GLIS3: variants seen among roughly 807,000 people sequenced by gnomAD.
GLIS3 encodes zinc finger protein GLIS3.
In GLIS3, 53 loss-of-function variants were observed where a neutral mutation model predicts 78.6. That is an observed-to-expected ratio of 0.67 (90% CI 0.54 to 0.85). The LOEUF (loss-of-function observed/expected upper bound fraction) is 0.85, where lower values mean the gene tolerates loss of function less well. GLIS3 is among the 40% of genes least tolerant of loss of function. The pLI is 0.00. For missense variants in GLIS3, 1,703 were observed against 1,231.1 expected, an observed-to-expected ratio of 1.38 and a Z score of -5.74; for synonymous variants, 684 against 509.9, an observed-to-expected ratio of 1.34 and a Z score of -4.60.
chr9:4,405,027 G>A, the GLIS3 span, among the ~76,000 whole-genome samples: 3 of 152,164 alleles, frequency 2.0e-5, no homozygotes, highest in Non-Finnish European at 4.4e-5. Flanking sequence ...AATCAGAGAT[G>A]AAAAAGGAGA....
intron 4 of GLIS3, among the ~76,000 whole-genome samples, chr9:4,109,751 C>A (rs2095932909): frequency 6.6e-6 from 1 of 152,222 alleles, no homozygotes; most frequent in Non-Finnish European, 1.5e-5. Flanking sequence ...TCCAGCCTCA[C>A]TTCCACTCCT....
At chr9:4,247,064 C>A (rs868789642) in intron 2 of GLIS3, among the ~76,000 whole-genome samples, 2 of 152,158 alleles carry the variant, frequency 1.3e-5, no homozygotes, top group East Asian at 1.9e-4. Context: ...GTTTTAAAAT[C>A]CATGGATGGC....
chr9:3,858,761 C>G (rs1050965137), intron 8 of GLIS3, among the ~76,000 whole-genome samples: 2 of 151,888 alleles, frequency 1.3e-5, no homozygotes, highest in East Asian at 1.9e-4. Context: ...TAAAATATGA[C>G]AAGAAGTGAT....
intron 4 of GLIS3, among the ~76,000 whole-genome samples, chr9:4,076,004 T>C (rs1027981617): frequency 3.9e-5 from 6 of 152,220 alleles, no homozygotes; most frequent in Non-Finnish European, 8.8e-5. Flanking sequence ...AAAAAATTAG[T>C]ACTTTGTGAG....
intron 4 of GLIS3, among the ~76,000 whole-genome samples, chr9:4,079,128 T>C (rs944292974): frequency 1.3e-5 from 2 of 152,224 alleles, no homozygotes; most frequent in South Asian, 4.1e-4. Flanking sequence ...GCTTGTATCA[T>C]CATTACCTTC....
chr9:4,222,603 T>C (rs1026241787), intron 2 of GLIS3, among the ~76,000 whole-genome samples: 1 of 152,202 alleles, frequency 6.6e-6, no homozygotes, highest in African/African-American at 2.4e-5. Flanking sequence ...CATTATCTAA[T>C]GTCAAGTGCG....
intron 7 of GLIS3, among the ~76,000 whole-genome samples, chr9:3,883,615 G>T (rs544855493): frequency 1.3e-5 from 2 of 152,300 alleles, no homozygotes; most frequent in Admixed American, 6.5e-5. Context: ...ATCCCTCCAG[G>T]ATACAGGGCA....
At chr9:4,064,680 G>A (rs1169387944) in intron 4 of GLIS3, among the ~76,000 whole-genome samples, 1 of 152,158 alleles carries the variant, frequency 6.6e-6, no homozygotes, top group African/African-American at 2.4e-5. Context: ...TGTAATCCCA[G>A]CTACTTGGAA....
At chr9:3,953,781 C>T (rs1193712953) in intron 4 of GLIS3, among the ~76,000 whole-genome samples, 82 of 39,756 alleles carry the variant, frequency 2.1e-3, no homozygotes, top group African/African-American at 7.6e-3. Context: ...CTCTCTCTCT[C>T]TCTCTCTCTC....
rs367590913 is a variant in GLIS3 at position 3,898,809 on chromosome 9, T to C, written c.2010A>G (p.Pro670=). ...CGGTGAGGCAATCTGTGAGCAGGTC[T>C]GGATGGAGCTCTGTGCTGGACCGCA... ...KKLRSSTELH[P]DLLTDCLTVQ... is the part of the protein sequence containing the mutation. The change falls in exon 7 of 11, where the codon CCA becomes CCG. Residue 670 remains proline, a synonymous_variant. Transcript: ENST00000381971. 376 of 1,614,130 alleles carry C rather than the reference T, an allele frequency of 2.3e-4. No homozygotes were observed. The highest frequency in any genetic ancestry group is 5.5e-4 in the Admixed American group (33 of 60,014).
chr9:4,193,809 T>A (rs562010344), intron 2 of GLIS3, among the ~76,000 whole-genome samples: 1 of 152,208 alleles, frequency 6.6e-6, no homozygotes, highest in African/African-American at 2.4e-5. Context: ...GCACCGAACC[T>A]CCATTCATTT....
chr9:4,119,876 G>C (rs1435009433), intron 3 of GLIS3, among the ~76,000 whole-genome samples: 1 of 152,060 alleles, frequency 6.6e-6, no homozygotes, highest in Admixed American at 6.5e-5. Context: ...ATCACTTCTT[G>C]ATCTTTTGGC....
intron 9 of GLIS3, among the ~76,000 whole-genome samples, chr9:3,830,241 G>A (rs1202112957): frequency 6.6e-6 from 1 of 151,818 alleles, no homozygotes; most frequent in African/African-American, 2.4e-5. Context: ...TTTCCTTGGG[G>A]TCCCATGTGG....
At chr9:3,915,652 T>G (rs1824459377) in intron 6 of GLIS3, among the ~76,000 whole-genome samples, 1 of 152,168 alleles carries the variant, frequency 6.6e-6, no homozygotes, top group African/African-American at 2.4e-5. Flanking sequence ...CATTTGCAAA[T>G]GCTCCAGCCT....
chr9:4,338,174 G>C (rs1365247458), intron 2 of GLIS3, among the ~76,000 whole-genome samples: 2 of 152,048 alleles, frequency 1.3e-5, no homozygotes, highest in Admixed American at 6.6e-5. Flanking sequence ...AAGTTTCCTT[G>C]AACAAGGCAT....
At chr9:4,094,951 A>C (rs145164861) in intron 4 of GLIS3, among the ~76,000 whole-genome samples, 28 of 152,302 alleles carry the variant, frequency 1.8e-4, no homozygotes, top group African/African-American at 6.3e-4. Context: ...GTGATGTTTC[A>C]ATACATGTAA....
chr9:4,398,799 C>G, the GLIS3 span, among the ~76,000 whole-genome samples: 1 of 152,182 alleles, frequency 6.6e-6, no homozygotes, highest in South Asian at 2.1e-4. Flanking sequence ...CAATAATTCT[C>G]TGCTTCAGCC....
chr9:4,114,572 G>T (rs1831483493), intron 4 of GLIS3, among the ~76,000 whole-genome samples: 1 of 152,126 alleles, frequency 6.6e-6, no homozygotes, highest in Admixed American at 6.5e-5. Flanking sequence ...AAGCTCAGAA[G>T]GTCAAAATAA....
At chr9:4,084,085 T>A (rs1041348751) in intron 4 of GLIS3, among the ~76,000 whole-genome samples, 1 of 152,142 alleles carries the variant, frequency 6.6e-6, no homozygotes, top group Admixed American at 6.5e-5. Flanking sequence ...CACAGCAACT[T>A]TTCCAGGTCT....
Sources: gnomAD v4.1 joint callset for allele counts (sites outside exome capture counted in the v4.1 genomes callset) on GRCh38, gnomAD v4.1.1 for gene constraint, MANE v1.5 for transcripts, NCBI Gene and HGNC (gene_info 2026-07-23, HGNC 2026-07-21) for gene names.